TTC7B: variants seen among roughly 807,000 people sequenced by gnomAD.
TTC7B encodes tetratricopeptide repeat domain 7B.
A neutral mutation model predicts 106.8 loss-of-function variants in TTC7B; 28 were observed. The observed-to-expected ratio is 0.26, with a 90% CI of 0.19 to 0.36. The LOEUF (loss-of-function observed/expected upper bound fraction) is 0.36. Among genes scored for constraint, TTC7B ranks in the 10% least tolerant of loss-of-function variants. The probability of loss-of-function intolerance (pLI) is 1.00; values close to 1 mark genes in which losing one functional copy is unlikely to be tolerated. For missense variants in TTC7B, 862 were observed against 1,076.4 expected, an observed-to-expected ratio of 0.80 and a Z score of 2.79; for synonymous variants, 405 against 430.6, an observed-to-expected ratio of 0.94 and a Z score of 0.74.
At chr14:90,703,709 T>A (rs1262919585) in intron 5 of TTC7B, among the ~76,000 whole-genome samples, 2 of 152,306 alleles carry the variant, frequency 1.3e-5, no homozygotes, top group East Asian at 3.9e-4. Flanking sequence ...CCTACAGGCC[T>A]CCAGTTCAAA....
chr14:90,798,795 T>C (rs1199628661), intron 1 of TTC7B, among the ~76,000 whole-genome samples: 3 of 151,224 alleles, frequency 2.0e-5, no homozygotes, highest in African/African-American at 7.3e-5. Flanking sequence ...AAGGAGCCCC[T>C]GGAAAGTCTA....
At chr14:90,748,658 T>A in intron 3 of TTC7B, among the ~76,000 whole-genome samples, 1 of 152,188 alleles carries the variant, frequency 6.6e-6, no homozygotes, top group South Asian at 2.1e-4. Flanking sequence ...CTACTTCACA[T>A]ATATATAGTA....
At chr14:90,559,686 C>G (rs1481591226) in intron 19 of TTC7B, among the ~76,000 whole-genome samples, 1 of 152,216 alleles carries the variant, frequency 6.6e-6, no homozygotes, top group Non-Finnish European at 1.5e-5. Flanking sequence ...CTCACAGCCA[C>G]TCTGTTTTGG....
chr14:90,775,206 G>A (rs958226116), intron 3 of TTC7B, among the ~76,000 whole-genome samples: 1 of 152,028 alleles, frequency 6.6e-6, no homozygotes, highest in Non-Finnish European at 1.5e-5. Context: ...TGTTACCTGG[G>A]GCATCTGAAG....
intron 8 of TTC7B, among the ~76,000 whole-genome samples, chr14:90,677,615 G>A (rs1415281405): frequency 6.6e-6 from 1 of 152,160 alleles, no homozygotes; most frequent in Non-Finnish European, 1.5e-5. Flanking sequence ...TCTGTCTGTA[G>A]GAGCAGAGAA....
chr14:90,654,983 C>A lies in TTC7B; in HGVS notation c.1459+10G>T. The A allele has an allele frequency of 1.3e-6, 2 of 1,599,148 alleles. No homozygotes were observed. The highest frequency in any genetic ancestry group is 2.2e-5 in the East Asian group (1 of 44,812). On this transcript the variant is annotated intron_variant, in intron 12 of 19. Coordinates refer to ENST00000328459, the MANE Select transcript of TTC7B (RefSeq NM_001010854.2). ...CAGCTCAGCAGCTGTGGGGGTGGGA[C>A]GTCTCTCACCGTCAGTGGCCTGCAG...
chr14:90,576,549 C>T (rs971218679), intron 19 of TTC7B, among the ~76,000 whole-genome samples: 1 of 152,202 alleles, frequency 6.6e-6, no homozygotes, highest in Non-Finnish European at 1.5e-5. Context: ...AGGAACTCTG[C>T]TAAGATTATT....
At chr14:90,639,992 G>A (rs939409642) in intron 15 of TTC7B, among the ~76,000 whole-genome samples, 2 of 152,158 alleles carry the variant, frequency 1.3e-5, no homozygotes, top group South Asian at 2.1e-4. Flanking sequence ...TTATTTAGGA[G>A]TACACGCCGG....
chr14:90,529,749 A>G lies in TTC7B; in HGVS notation c.*11619T>C, dbSNP rs931893150. ...AATGATTGGTGCATAATAAATGCTC[A>G]ATAATTGTGAGCTGGCATTACCCAT... is the stretch of plus-strand genomic sequence containing the variant. On this transcript the variant is annotated 3_prime_UTR_variant, in exon 20 of 20. Transcript: ENST00000328459. The G allele has an allele frequency of 6.6e-6, 1 of 152,232 alleles. No individual in the cohort carries two copies. The highest frequency in any genetic ancestry group is 1.5e-5 in the Non-Finnish European group (1 of 68,042). 9.4% of individuals were successfully genotyped at this position (152,232 alleles called of 1,614,324 possible). A position where few individuals can be genotyped will look rare whatever the true frequency, so the allele number is the denominator to read the frequency against.
chr14:90,651,243 A>G (rs1254158733), intron 13 of TTC7B, among the ~76,000 whole-genome samples: 1 of 152,250 alleles, frequency 6.6e-6, no homozygotes, highest in Admixed American at 6.5e-5. Flanking sequence ...TGTGTACTTG[A>G]AATAAAATGA....
At chr14:90,636,259 T>G (rs1048905756) in intron 15 of TTC7B, among the ~76,000 whole-genome samples, 1 of 152,086 alleles carries the variant, frequency 6.6e-6, no homozygotes, top group African/African-American at 2.4e-5. Flanking sequence ...TATATGTATG[T>G]GGCCATATGT....
intron 9 of TTC7B, 106 bp downstream of exon 9, chr14:90,676,417 G>A: frequency 7.4e-7 from 1 of 1,343,668 alleles, no homozygotes. Flanking sequence ...TCACATGGCT[G>A]CCACTAATAG....
In TTC7B at chr14:90,624,775, T is replaced by G. The variant is rs74081245; in HGVS notation, c.1752-6730A>C. The stretch of plus-strand genomic sequence containing the variant: ...AAACCTTCACTAATTAGGTGATCCG[T>G]GAATGCTGCAGTCTTAGTAACTGCT... On this transcript the variant is annotated intron_variant, in intron 15 of 19. Transcript: ENST00000328459. The surrounding 1 kb of genome is among the most constrained non-coding windows in gnomAD (Gnocchi z 4.0). Among the ~76,000 whole-genome samples the G allele has an allele frequency of 0.028, 4,259 of 152,280 alleles. 208 individuals are homozygous for G. The highest frequency in any genetic ancestry group is 0.098 in the African/African-American group (4,071 of 41,540).
At chr14:90,736,695 G>A (rs1456473254) in intron 4 of TTC7B, among the ~76,000 whole-genome samples, 1 of 151,864 alleles carries the variant, frequency 6.6e-6, no homozygotes, top group Non-Finnish European at 1.5e-5. Flanking sequence ...GACCAGCCTG[G>A]GCAACAAAGT....
chr14:90,539,299 G>A lies in TTC7B; in HGVS notation c.*2069C>T, dbSNP rs1278447731. On this transcript the variant is annotated 3_prime_UTR_variant, in exon 20 of 20. Transcript: ENST00000328459. ...TCTGAGGTGAGGGCCTGGCAGAGAAGGTCTGGTACAGCGCCTGCACCATCT... is the reference window on the plus strand; with the variant it reads ...TCTGAGGTGAGGGCCTGGCAGAGAAAGTCTGGTACAGCGCCTGCACCATCT... 1 of 152,364 alleles carries A rather than the reference G, an allele frequency of 6.6e-6. No homozygotes were observed. The highest frequency in any genetic ancestry group is 1.5e-5 in the Non-Finnish European group (1 of 68,142). The allele number at this position is 152,364 out of a possible 1,614,324, so 9.4% of individuals were successfully genotyped here.
chr14:90,559,751 C>A lies in TTC7B; in HGVS notation c.2311-18162G>T, dbSNP rs112708048. 7.2e-3 allele frequency among the ~76,000 whole-genome samples: 1,094 copies of A among 152,330 alleles called. 11 individuals carry two copies. The highest frequency in any genetic ancestry group is 0.025 in the African/African-American group (1,044 of 41,580). On this transcript the variant is annotated intron_variant, in intron 19 of 19. Transcript: ENST00000328459. The stretch of plus-strand genomic sequence containing the variant: ...TGCCGGGTACATCCTATATGCTGGG[C>A]AGGTGCTAAGAACCGTGTTGAACCT...
Position 90,669,341 on chromosome 14 carries a change from A to G in TTC7B, c.1152+7182T>C, listed in dbSNP as rs193050751. 2.6e-4 allele frequency among the ~76,000 whole-genome samples: 40 copies of G among 152,330 alleles called. 1 individual carries two copies. The highest frequency in any genetic ancestry group is 1.3e-3 in the Admixed American group (20 of 15,304). ...TTATGACACCAAAGGCATAAGCAAC[A>G]AAATAAAAAATAGATACACTGGACT... On this transcript the variant is annotated intron_variant, in intron 9 of 19. Transcript: ENST00000328459.
At position 90,676,576 on chromosome 14, in the gene TTC7B, C is replaced by T. The variant is rs1168633260; in HGVS notation, c.1099G>A (p.Asp367Asn). Residue 367 changes from aspartate (D) to asparagine (N), a missense_variant, in exon 9 of 20, where the codon GAC becomes AAC. Transcript: ENST00000328459. ...CTTCCAAGAGCAATGGTGAGTAAGT[C>T]ATAGACCACAGATGCACTCTGCAGA... Reference protein sequence around the residue: ...ISLQSASVVYDLLTIALGRRG... With the variant: ...ISLQSASVVYNLLTIALGRRG... 6.2e-7 allele frequency: 1 copy of T among 1,614,132 alleles called. No individual in the cohort carries two copies. Among genetic ancestry groups the T allele is most frequent in the South Asian group, 1.1e-5 (1 of 91,074 alleles).
chr14:90,710,651 C>T lies in TTC7B; in HGVS notation c.699-15073G>A, dbSNP rs566581639. On this transcript the variant is annotated intron_variant, in intron 5 of 19. Coordinates refer to ENST00000328459, the MANE Select transcript of TTC7B (RefSeq NM_001010854.2). ...CACCCCAAACTTCAGCAACCACCACCCCATCAGTCAGCAGGTATTAACATC... is the reference window on the plus strand; with the variant it reads ...CACCCCAAACTTCAGCAACCACCACTCCATCAGTCAGCAGGTATTAACATC... 3.9e-5 allele frequency among the ~76,000 whole-genome samples: 6 copies of T among 152,270 alleles called. No homozygotes were observed. In the East Asian group the frequency reaches 1.2e-3, roughly 29 times the overall value.
Sources: allele counts gnomAD v4.1 joint callset (sites outside exome capture counted in the v4.1 genomes callset), GRCh38; gene constraint gnomAD v4.1.1; non-coding constraint Gnocchi (gnomAD v3.1); transcripts MANE v1.5; gene names NCBI Gene and HGNC (gene_info 2026-07-23, HGNC 2026-07-21).